Variants in SDK1 observed in about 807,000 individuals in gnomAD.
The protein encoded by SDK1 is sidekick cell adhesion molecule 1.
Under a neutral mutation model 245.5 loss-of-function variants are expected in SDK1, and 157 were observed. The observed-to-expected ratio is 0.64, with a 90% CI of 0.56 to 0.73. The LOEUF (loss-of-function observed/expected upper bound fraction) is 0.73, where lower values mean the gene tolerates loss of function less well. SDK1 is among the 30% of genes least tolerant of loss of function. The probability of loss-of-function intolerance (pLI) is 0.00; values close to 1 mark genes in which losing one functional copy is unlikely to be tolerated. For synonymous variants in SDK1, 1,647 were observed against 1,278.5 expected (o/e 1.29, Z -6.15); for missense variants, 3,583 against 3,002.3 (o/e 1.19, Z -4.52).
intron 1 of SDK1, among the ~76,000 whole-genome samples, chr7:3,340,899 C>A (rs1297505839): frequency 3.3e-5 from 5 of 152,004 alleles, no homozygotes; most frequent in Non-Finnish European, 7.4e-5. Context: ...ATCTCTGGGT[C>A]CAGATGGTTT....
At chr7:3,625,277 A>G (rs889585242) in intron 2 of SDK1, among the ~76,000 whole-genome samples, 14 of 152,210 alleles carry the variant, frequency 9.2e-5, no homozygotes, top group Non-Finnish European at 1.9e-4. Flanking sequence ...CCGATCACAG[A>G]TAAATTTACA....
intron 1 of SDK1, among the ~76,000 whole-genome samples, chr7:3,450,911 G>A (rs945770646): frequency 6.6e-6 from 1 of 152,148 alleles, no homozygotes; most frequent in East Asian, 1.9e-4. Context: ...AATAGGAAGA[G>A]AGGAGTTTTG....
intron 3 of SDK1, among the ~76,000 whole-genome samples, chr7:3,639,893 A>T (rs1782596941): frequency 1.3e-5 from 2 of 152,100 alleles, no homozygotes; most frequent in Non-Finnish European, 2.9e-5. Context: ...TCTGTCTCTC[A>T]GGCTGGAGTG....
intron 1 of SDK1, among the ~76,000 whole-genome samples, chr7:3,609,354 A>G (rs760417641): frequency 4.6e-5 from 7 of 152,130 alleles, no homozygotes; most frequent in Non-Finnish European, 1.0e-4. Context: ...GGTTAAGTAG[A>G]TTGTCCAAGA....
At chr7:3,685,946 T>C (rs185406654) in intron 4 of SDK1, among the ~76,000 whole-genome samples, 1 of 152,196 alleles carries the variant, frequency 6.6e-6, no homozygotes, top group African/African-American at 2.4e-5. Flanking sequence ...CCAATTAAAA[T>C]ACCTAGATTT....
intron 4 of SDK1, among the ~76,000 whole-genome samples, chr7:3,698,011 T>C (rs545538424): frequency 6.6e-5 from 10 of 152,260 alleles, no homozygotes; most frequent in African/African-American, 2.4e-4. Flanking sequence ...TGCTGGCATC[T>C]CTGAGCTTTC....
At chr7:3,324,289 G>C (rs1237631529) in intron 1 of SDK1, among the ~76,000 whole-genome samples, 1 of 152,092 alleles carries the variant, frequency 6.6e-6, no homozygotes, top group Non-Finnish European at 1.5e-5. Context: ...ATAGTATATT[G>C]CTTGATAAAT....
At position 4,149,055 on chromosome 7, in the gene SDK1, A is replaced by AAAAACAAAACAAAACAAAAC. The variant is rs59907207; in HGVS notation, c.4424-197_4424-178dup. On this transcript the variant is annotated intron_variant, in intron 29 of 44. Transcript: ENST00000404826. ...TGGTGACAGAGTGAGACTCTGTCTC[A>AAAAACAAAACAAAACAAAAC]AAAACAAAACAAAACAAAACAAAAC... Among the ~76,000 whole-genome samples the AAAAACAAAACAAAACAAAAC allele has an allele frequency of 1.3e-3, 192 of 151,492 alleles. 1 individual carries two copies. The highest frequency in any genetic ancestry group is 7.6e-3 in the South Asian group (36 of 4,764).
intron 5 of SDK1, among the ~76,000 whole-genome samples, chr7:3,913,075 A>G (rs1199842269): frequency 2.0e-5 from 3 of 152,166 alleles, no homozygotes; most frequent in Non-Finnish European, 4.4e-5. Flanking sequence ...CAGGGAAAAC[A>G]GTTAAAATGA....
chr7:3,339,839 C>T (rs1780299060), intron 1 of SDK1, among the ~76,000 whole-genome samples: 1 of 151,716 alleles, frequency 6.6e-6, no homozygotes, highest in Non-Finnish European at 1.5e-5. Context: ...CAAAACAAGC[C>T]TAAGCAAGCA....
rs183985635 is a variant in SDK1, at chr7:3,989,383, C to T, written c.2131+2061C>T. 1.5e-3 allele frequency among the ~76,000 whole-genome samples: 225 copies of T among 152,290 alleles called. 1 individual carries two copies. Among genetic ancestry groups the T allele is most frequent in the Non-Finnish European group, 2.6e-3 (178 of 68,026 alleles). ...CCCCCATGATCCAGTTACCTCCCAC[C>T]GGGTCCCTCCCACAACTCATGGGAG... On this transcript the variant is annotated intron_variant, in intron 14 of 44. Transcript: ENST00000404826.
At chr7:3,534,095 T>A (rs1366450500) in intron 1 of SDK1, among the ~76,000 whole-genome samples, 2 of 152,236 alleles carry the variant, frequency 1.3e-5, no homozygotes, top group African/African-American at 2.4e-5. Flanking sequence ...TGTTCTGTTC[T>A]CTGCTTCTAT....
At chr7:3,302,025 A>G (rs1779280457) in intron 1 of SDK1, 141 bp downstream of exon 1, 1 of 533,896 alleles carries the variant, frequency 1.9e-6, no homozygotes, top group African/African-American at 2.1e-5. Flanking sequence ...TAGGGAGCCC[A>G]GGGGCTCCTC....
At chr7:3,806,116 C>T (rs114927524) in intron 4 of SDK1, among the ~76,000 whole-genome samples, 2,427 of 152,304 alleles carry the variant, frequency 0.016, 73 homozygotes, top group African/African-American at 0.055. Flanking sequence ...AAGTCAGCAG[C>T]GTAAACTTTC....
intron 4 of SDK1, among the ~76,000 whole-genome samples, chr7:3,779,699 G>A (rs941676470): frequency 2.6e-5 from 4 of 152,166 alleles, no homozygotes; most frequent in African/African-American, 9.6e-5. Flanking sequence ...TTGGGAGGCC[G>A]AGGCGGGTGG....
intron 1 of SDK1, among the ~76,000 whole-genome samples, chr7:3,356,074 C>T (rs1022485551): frequency 6.6e-5 from 10 of 152,362 alleles, no homozygotes; most frequent in East Asian, 1.9e-4. Context: ...GGAAGTTTCA[C>T]AGCCTTGTAG....
chr7:3,351,558 AAAAAC>A (rs1424141223), intron 1 of SDK1, among the ~76,000 whole-genome samples: 2 of 152,246 alleles, frequency 1.3e-5, no homozygotes, highest in African/African-American at 2.4e-5. Flanking sequence ...AAGCATATCT[AAAAAC>A]AAAGATACAG....
At chr7:4,227,310 T>C (rs1240273248) in intron 40 of SDK1, 9 of 464,062 alleles carry the variant, frequency 1.9e-5, no homozygotes, top group East Asian at 7.0e-5. Context: ...TTCTGACAGC[T>C]TGTCAGCCCG....
chr7:3,791,422 G>A (rs1035658515), intron 4 of SDK1, among the ~76,000 whole-genome samples: 1 of 152,204 alleles, frequency 6.6e-6, no homozygotes, highest in African/African-American at 2.4e-5. Context: ...CATGGTGTGA[G>A]CATAAGGAAA....
Sources: gnomAD v4.1 joint callset for allele counts (sites outside exome capture counted in the v4.1 genomes callset) on GRCh38, gnomAD v4.1.1 for gene constraint, MANE v1.5 for transcripts, NCBI Gene and HGNC (gene_info 2026-07-23, HGNC 2026-07-21) for gene names.